The following EDA variants were observed in gnomAD, a reference collection of about 807,000 sequenced individuals.
EDA encodes ectodysplasin A, also known as ectodysplasin-A.
A neutral mutation model predicts 23.6 loss-of-function variants in EDA; 2 were observed. The ratio of observed to expected loss-of-function variants is 0.08; its 90% CI spans 0.03 to 0.27. The LOEUF (loss-of-function observed/expected upper bound fraction) is 0.27, where lower values mean the gene tolerates loss of function less well. Among genes scored for constraint, EDA ranks in the 10% least tolerant of loss-of-function variants. EDA has a pLI of 1.00. For missense variants in EDA, 229 were observed against 324.2 expected, an observed-to-expected ratio of 0.71 and a Z score of 2.26; for synonymous variants, 131 against 132.0, an observed-to-expected ratio of 0.99 and a Z score of 0.05.
At chrX:69,763,505 T>G in intron 1 of EDA, among the ~76,000 whole-genome samples, 1 of 112,160 alleles carries the variant, frequency 8.9e-6, no homozygotes, top group Non-Finnish European at 1.9e-5. Flanking sequence ...GTATCTAGAT[T>G]GAATGGTAAA....
chrX:69,664,729 A>G (rs1254948521), intron 1 of EDA, among the ~76,000 whole-genome samples: 1 of 111,570 alleles, frequency 9.0e-6, no homozygotes, highest in Non-Finnish European at 1.9e-5. Context: ...CCATTGATGA[A>G]CATTTAAGTT....
At chrX:69,750,704 T>C (rs1021934429) in intron 1 of EDA, among the ~76,000 whole-genome samples, 78 of 111,607 alleles carry the variant, frequency 7.0e-4, no homozygotes, top group African/African-American at 2.4e-3. Flanking sequence ...GACTTTTTAA[T>C]GATCGCCATT....
chrX:69,738,043 G>C (rs890067514), intron 1 of EDA, among the ~76,000 whole-genome samples: 1 of 110,943 alleles, frequency 9.0e-6, no homozygotes, highest in Non-Finnish European at 1.9e-5. Flanking sequence ...GCCTTAGTAT[G>C]GTTTTCACTG....
intron 1 of EDA, among the ~76,000 whole-genome samples, chrX:69,640,695 G>T (rs1932830319): frequency 9.0e-6 from 1 of 110,708 alleles, no homozygotes; most frequent in South Asian, 4.0e-4. Flanking sequence ...AGGGTGAAGT[G>T]GGGTAAGGAG....
intron 1 of EDA, among the ~76,000 whole-genome samples, chrX:69,660,789 CCGCAATAA>C (rs1933469694): frequency 1.8e-5 from 2 of 111,484 alleles, no homozygotes; most frequent in Non-Finnish European, 3.8e-5. Context: ...GTGAATAGTG[CCGCAATAA>C]ACATACGTGT....
At chrX:69,729,523 T>TA (rs2012940463) in intron 1 of EDA, among the ~76,000 whole-genome samples, 1 of 111,976 alleles carries the variant, frequency 8.9e-6, no homozygotes, top group African/African-American at 3.2e-5. Flanking sequence ...ATTGTATCAA[T>TA]AGCTTCCTAA....
In EDA at chrX:69,910,404, T is replaced by A. The variant is rs995527951; in HGVS notation, c.397-46623T>A. Among the ~76,000 whole-genome samples, 5 of 106,828 alleles carry A rather than the reference T, an allele frequency of 4.7e-5. No homozygotes were observed. In the Admixed American group the frequency reaches 5.1e-4, roughly 11 times the overall value. The allele number at this position is 106,828 out of a possible 115,157, so 92.8% of individuals were successfully genotyped here. On this transcript the variant is annotated intron_variant, in intron 1 of 7. Coordinates refer to ENST00000374552, the MANE Select transcript of EDA (RefSeq NM_001399.5). The stretch of plus-strand genomic sequence containing the variant: ...GTGTGTGTGTGTGTGTGTGTGTGTG[T>A]GTGTGTGTGTGTGTGTGTGTGTTTC...
intron 1 of EDA, among the ~76,000 whole-genome samples, chrX:69,877,278 A>G (rs1394026066): frequency 2.7e-5 from 3 of 112,321 alleles, no homozygotes; most frequent in Non-Finnish European, 5.6e-5. Flanking sequence ...ACTGTATTCC[A>G]GCCTAGGCGA....
chrX:69,786,164 T>C (rs1418295999), intron 1 of EDA, among the ~76,000 whole-genome samples: 3 of 111,245 alleles, frequency 2.7e-5, no homozygotes, highest in South Asian at 7.6e-4. Context: ...TTTTATTGCA[T>C]CTATTTTATT....
Position 69,655,150 on chromosome X carries a change from C to A in EDA, c.396+38446C>A, listed in dbSNP as rs753946077. Reference sequence around the variant, plus strand: ...GTGGCTCACGCCTGGAATCCCAGCACTTTGGGAGGCCGAGTTGGGCAGATC... The same window carrying A: ...GTGGCTCACGCCTGGAATCCCAGCAATTTGGGAGGCCGAGTTGGGCAGATC... On this transcript the variant is annotated intron_variant, in intron 1 of 7. Coordinates refer to ENST00000374552, the MANE Select transcript of EDA (RefSeq NM_001399.5). 6.3e-5 allele frequency among the ~76,000 whole-genome samples: 7 copies of A among 111,808 alleles called. No homozygotes were observed. The South Asian group carries it at 2.6e-3, about 42-fold the overall frequency.
At chrX:69,794,992 A>G (rs753030563) in intron 1 of EDA, among the ~76,000 whole-genome samples, 24 of 111,915 alleles carry the variant, frequency 2.1e-4, no homozygotes, top group Non-Finnish European at 3.8e-4. Context: ...ATTCTATAGC[A>G]TGATGTACAA....
intron 1 of EDA, among the ~76,000 whole-genome samples, chrX:69,951,158 G>T (rs2018920199): frequency 1.8e-5 from 2 of 109,101 alleles, no homozygotes; most frequent in African/African-American, 6.7e-5. Flanking sequence ...AACAAATAAA[G>T]ATCCTCAATA....
At chrX:69,987,969 G>A in intron 2 of EDA, among the ~76,000 whole-genome samples, 2 of 111,754 alleles carry the variant, frequency 1.8e-5, no homozygotes, top group Non-Finnish European at 3.8e-5. Context: ...GAGAATTAAT[G>A]GCTCAGTATA....
chrX:69,687,668 G>C, intron 1 of EDA: 1 of 79,564 alleles, frequency 1.3e-5, no homozygotes. Flanking sequence ...ATACATTAAT[G>C]TTTTCTTCTA....
chrX:69,750,834 T>A (rs2013819233), intron 1 of EDA, among the ~76,000 whole-genome samples: 2 of 112,229 alleles, frequency 1.8e-5, no homozygotes, highest in South Asian at 3.7e-4. Flanking sequence ...TTGAGAAGTG[T>A]CTGTTCATAT....
At chrX:69,953,759 C>G (rs186898994) in intron 1 of EDA, among the ~76,000 whole-genome samples, 109 of 111,957 alleles carry the variant, frequency 9.7e-4, no homozygotes, top group African/African-American at 3.3e-3. Context: ...ATCTCACTGA[C>G]AGTATGTTGA....
At chrX:69,618,677 A>G (rs2087217077) in intron 1 of EDA, among the ~76,000 whole-genome samples, 1 of 111,288 alleles carries the variant, frequency 9.0e-6, no homozygotes, top group African/African-American at 3.3e-5. Flanking sequence ...GCGAGGGAGC[A>G]AGATGGAGCT....
intron 2 of EDA, among the ~76,000 whole-genome samples, chrX:69,995,138 A>G (rs1602593024): frequency 1.8e-5 from 2 of 112,183 alleles, no homozygotes; most frequent in Admixed American, 1.9e-4. Context: ...ATCCCTGCTA[A>G]TATTCTGAAT....
At chrX:69,746,008 A>G (rs1420935832) in intron 1 of EDA, among the ~76,000 whole-genome samples, 1 of 110,637 alleles carries the variant, frequency 9.0e-6, no homozygotes, top group African/African-American at 3.3e-5. Context: ...GAAAAAGAAA[A>G]TTAAGATCTT....
Sources: gnomAD v4.1 joint callset for allele counts (sites outside exome capture counted in the v4.1 genomes callset) on GRCh38, gnomAD v4.1.1 for gene constraint, MANE v1.5 for transcripts, NCBI Gene and HGNC (gene_info 2026-07-23, HGNC 2026-07-21) for gene names.